Variants in KRT27 observed in about 807,000 individuals in gnomAD.
KRT27 encodes the protein keratin, type I cytoskeletal 27.
KRT27 carries 30 observed loss-of-function variants against 45.3 expected under a neutral mutation model. The observed-to-expected ratio is 0.66, with a 90% CI of 0.50 to 0.90. The LOEUF (loss-of-function observed/expected upper bound fraction) is 0.90, where lower values mean the gene tolerates loss of function less well. Ranked by LOEUF, KRT27 falls within the 40% of genes least tolerant of loss-of-function variation. The pLI is 0.00. For synonymous variants in KRT27, 204 were observed against 223.9 expected (o/e 0.91, Z 0.79); for missense variants, 610 against 564.3 (o/e 1.08, Z -0.82).
chr17:40,781,414 T>C (rs948785388), intron 1 of KRT27, 144 bp from the exon 2 acceptor site: 6 of 581,102 alleles, frequency 1.0e-5, no homozygotes, highest in South Asian at 2.1e-5. Flanking sequence ...AGATGGGTAA[T>C]TTAAGTATGG....
chr17:40,779,556 C>T lies in KRT27; in HGVS notation c.918G>A (p.Glu306=), dbSNP rs1206242198. Reference sequence around the variant, plus strand: ...CAAGGGTTTGAAGAGTGCGTTTCATCTCGATAAGCTCATTCCGGGCTGAGG... The same window carrying T: ...CAAGGGTTTGAAGAGTGCGTTTCATTTCGATAAGCTCATTCCGGGCTGAGG... The part of the protein sequence containing the change: ...ATTSARNELI[E]MKRTLQTLEI... The change falls in exon 5 of 8, where the codon GAG becomes GAA. Residue 306 remains glutamate (E), a synonymous_variant. Transcript: ENST00000301656. The T allele has an allele frequency of 6.2e-7, 1 of 1,614,256 alleles. No homozygotes were observed.
At chr17:40,781,492 C>T (rs189316987) in intron 1 of KRT27, among the ~76,000 whole-genome samples, 6 of 152,318 alleles carry the variant, frequency 3.9e-5, no homozygotes, top group Non-Finnish European at 7.4e-5. Flanking sequence ...TGCAGTGGCA[C>T]GATCTTGGCT....
chr17:40,778,397 C>A (rs2144158150), intron 5 of KRT27, among the ~76,000 whole-genome samples: 1 of 152,254 alleles, frequency 6.6e-6, no homozygotes, highest in South Asian at 2.1e-4. Context: ...ACATTCATAG[C>A]CTCATCTGTG....
chr17:40,779,055 A>G (rs1413176204), intron 5 of KRT27, among the ~76,000 whole-genome samples: 1 of 152,148 alleles, frequency 6.6e-6, no homozygotes, highest in Non-Finnish European at 1.5e-5. Context: ...TAGTCATTCT[A>G]CAGTACTATA....
chr17:40,776,939 G>T lies in KRT27; in HGVS notation c.*60C>A. On this transcript the variant is annotated 3_prime_UTR_variant, in exon 8 of 8. Transcript: ENST00000301656. ...AGAAAAATAAGGGGACCCTTATTTA[G>T]GAAACTAGCTTCATTTTGGTATTTT... 1 of 1,496,966 alleles carries T rather than the reference G, an allele frequency of 6.7e-7. No individual in the cohort carries two copies. Among genetic ancestry groups the T allele is most frequent in the Non-Finnish European group, 9.1e-7 (1 of 1,102,000 alleles). 92.7% of individuals were successfully genotyped at this position (1,496,966 alleles called of 1,614,324 possible).
Position 40,779,530 on chromosome 17 carries a change from T to C in KRT27, c.944A>G (p.Glu315Gly), listed in dbSNP as rs752062444. The change falls in exon 5 of 8, where the codon GAG becomes GGG. Residue 315 changes from glutamate to glycine, a missense_variant. Physicochemically the swap from Glu to Gly is moderately conservative, Grantham distance 98. Transcript: ENST00000301656. ...IEMKRTLQTLEIELQSLLATK... is the reference protein window; with the variant it reads ...IEMKRTLQTLGIELQSLLATK... Reference sequence around the variant, plus strand: ...TGCTAAGAGGGACTGAAGTTCAATCTCAAGGGTTTGAAGAGTGCGTTTCAT... The same window carrying C: ...TGCTAAGAGGGACTGAAGTTCAATCCCAAGGGTTTGAAGAGTGCGTTTCAT... The C allele has an allele frequency of 6.2e-7, 1 of 1,614,090 alleles. No homozygotes were observed. The highest frequency in any genetic ancestry group is 2.2e-5 in the East Asian group (1 of 44,890).
chr17:40,777,460 A>G, intron 6 of KRT27, 55 bp downstream of exon 6: 1 of 1,591,546 alleles, frequency 6.3e-7, no homozygotes, highest in Non-Finnish European at 8.6e-7. Flanking sequence ...TTGATTTCAA[A>G]TCATCTTTAG....
In KRT27 at chr17:40,776,937, T is replaced by C. The variant is rs534520812; in HGVS notation, c.*62A>G. On this transcript the variant is annotated 3_prime_UTR_variant, in exon 8 of 8. Coordinates refer to ENST00000301656, the MANE Select transcript of KRT27 (RefSeq NM_181537.4). ...GCAGAAAAATAAGGGGACCCTTATT[T>C]AGGAAACTAGCTTCATTTTGGTATT... The C allele has an allele frequency of 3.8e-5, 57 of 1,489,644 alleles. No individual in the cohort carries two copies. In the African/African-American group the frequency reaches 7.6e-4, roughly 20 times the overall value. 92.3% of individuals were successfully genotyped at this position (1,489,644 alleles called of 1,614,324 possible). A position where few individuals can be genotyped will look rare whatever the true frequency, so the allele number is the denominator to read the frequency against.
rs116274728 is a variant in KRT27, at chr17:40,779,528, T to C, written c.946A>G (p.Ile316Val). ...GTTGCTAAGAGGGACTGAAGTTCAA[T>C]CTCAAGGGTTTGAAGAGTGCGTTTC... ...EMKRTLQTLE[I>V]ELQSLLATKH... The change falls in exon 5 of 8, where the codon ATT becomes GTT. Residue 316 changes from isoleucine (I) to valine (V), a missense_variant. Transcript: ENST00000301656. 10 of 1,614,084 alleles carry C rather than the reference T, an allele frequency of 6.2e-6. No homozygotes were observed. Among genetic ancestry groups the C allele is most frequent in the African/African-American group, 1.3e-5 (1 of 75,076 alleles).
Position 40,777,241 on chromosome 17 carries a change from G to GCTTTTGTTTAC in KRT27, c.1240+1_1240+11dup, listed in dbSNP as rs1206185687. On this transcript the variant is annotated intron_variant, in intron 7 of 7. Transcript: ENST00000301656. ...AAATAAACACTGAATGCCTAACACA[G>GCTTTTGTTTAC]CTTTTGTTTACCTTTTGTTTGATTT... 1.5e-5 allele frequency: 25 copies of GCTTTTGTTTAC among 1,613,406 alleles called. No individual in the cohort carries two copies. Among genetic ancestry groups the GCTTTTGTTTAC allele is most frequent in the Non-Finnish European group, 2.0e-5 (24 of 1,179,808 alleles).
rs139116362 is a variant in KRT27 at position 40,782,448 on chromosome 17, C to T, written c.46G>A (p.Gly16Arg). ...GAGAGCCTCACAGAGCCAGTGCCCC[C>T]GCAAGAGCCAAGTCTCCTGGAGGTA... ...SSTSRRLGSCGGTGSVRLSSG... is the reference protein window; with the variant it reads ...SSTSRRLGSCRGTGSVRLSSG... The change falls in exon 1 of 8, where the codon GGG (glycine) becomes AGG (arginine). Residue 16 changes from glycine to arginine, a missense_variant. Coordinates refer to ENST00000301656, the MANE Select transcript of KRT27 (RefSeq NM_181537.4). The T allele has an allele frequency of 1.5e-4, 246 of 1,604,698 alleles. 2 individuals carry two copies. The African/African-American group carries it at 2.4e-3, about 16-fold the overall frequency.
chr17:40,782,446 C>T lies in KRT27; in HGVS notation c.48G>A (p.Gly16=). The T allele has an allele frequency of 5.0e-6, 8 of 1,604,936 alleles. No individual in the cohort carries two copies. The highest frequency in any genetic ancestry group is 6.8e-6 in the Non-Finnish European group (8 of 1,175,696). The change falls in exon 1 of 8, where the codon GGG becomes GGA. Residue 16 remains glycine, a synonymous_variant. Transcript: ENST00000301656. ...SSTSRRLGSC[G]GTGSVRLSSG... Reference sequence around the variant, plus strand: ...TAGAGAGCCTCACAGAGCCAGTGCCCCCGCAAGAGCCAAGTCTCCTGGAGG... The same window carrying T: ...TAGAGAGCCTCACAGAGCCAGTGCCTCCGCAAGAGCCAAGTCTCCTGGAGG...
At position 40,782,436 on chromosome 17, in the gene KRT27, A is replaced by G. The variant is rs2038323059; in HGVS notation, c.58T>C (p.Ser20Pro). ...RRLGSCGGTG[S>P]VRLSSGGAGF... ...GCTCCCCCACTAGAGAGCCTCACAG[A>G]GCCAGTGCCCCCGCAAGAGCCAAGT... The change falls in exon 1 of 8, where the codon TCT (serine) becomes CCT (proline). Residue 20 changes from serine to proline, a missense_variant. Ser to Pro is a moderately conservative substitution (Grantham distance 74). Coordinates refer to ENST00000301656, the MANE Select transcript of KRT27 (RefSeq NM_181537.4). 6.2e-7 allele frequency: 1 copy of G among 1,609,900 alleles called. No homozygotes were observed. The highest frequency in any genetic ancestry group is 1.1e-5 in the South Asian group (1 of 90,436).
At chr17:40,779,087 C>G (rs1335584529) in intron 5 of KRT27, among the ~76,000 whole-genome samples, 1 of 152,128 alleles carries the variant, frequency 6.6e-6, no homozygotes, top group Non-Finnish European at 1.5e-5. Flanking sequence ...CTGATTCTCC[C>G]TATTTCTCTG....
rs1183551549 is a variant in KRT27 at position 40,779,844 on chromosome 17, C to A, written c.702G>T (p.Gln234His). 5.0e-6 allele frequency: 8 copies of A among 1,606,122 alleles called. No individual in the cohort carries two copies. The highest frequency in any genetic ancestry group is 2.7e-5 in the African/African-American group (2 of 74,306). Reference protein sequence around the residue: ...KNHEEEMKALQCAAGGNVNVE... With the variant: ...KNHEEEMKALHCAAGGNVNVE... ...CGTTCACGTTGCCTCCAGCCGCGCA[C>A]TGAAGAGCTTTCATTTCCTGAAAGA... is the stretch of plus-strand genomic sequence containing the variant. The change falls in exon 4 of 8, where the codon CAG becomes CAT. Residue 234 changes from glutamine (Q) to histidine (H), a missense_variant. Gln to His is a conservative substitution (Grantham distance 24, BLOSUM62 0). Coordinates refer to ENST00000301656, the MANE Select transcript of KRT27 (RefSeq NM_181537.4).
At chr17:40,782,021 G>A (rs2038315997) in intron 1 of KRT27, 29 bp downstream of exon 1, 1 of 1,579,784 alleles carries the variant, frequency 6.3e-7, no homozygotes, top group South Asian at 1.1e-5. Context: ...TCTCAGGAGT[G>A]CTAACACTCA....
At chr17:40,777,395 A>C in intron 6 of KRT27, 93 bp from the exon 7 acceptor site, 1 of 1,525,110 alleles carries the variant, frequency 6.6e-7, no homozygotes, top group Admixed American at 1.8e-5. Context: ...TGCATTCTGA[A>C]ATAACACTAA....
At chr17:40,777,334 TTC>T (rs1326472057) in intron 6 of KRT27, 32 bp from the exon 7 acceptor site, 1 of 1,591,828 alleles carries the variant, frequency 6.3e-7, no homozygotes, top group Non-Finnish European at 8.5e-7. Flanking sequence ...ATATTAATTA[TTC>T]TGTTTTACTG....
intron 1 of KRT27, 144 bp downstream of exon 1, chr17:40,781,906 A>T (rs933637208): frequency 9.5e-6 from 6 of 634,408 alleles, no homozygotes; most frequent in Admixed American, 9.0e-5. Flanking sequence ...TTTATTAGAA[A>T]TTATTTTTAA....
Sources: allele counts gnomAD v4.1 joint callset (sites outside exome capture counted in the v4.1 genomes callset), GRCh38; gene constraint gnomAD v4.1.1; transcripts MANE v1.5; gene names NCBI Gene and HGNC (gene_info 2026-07-23, HGNC 2026-07-21).